KNG1: variants seen among roughly 807,000 people sequenced by gnomAD.
KNG1 encodes kininogen-1.
In KNG1, 23 loss-of-function variants were observed where a neutral mutation model predicts 47.8. That is an observed-to-expected ratio of 0.48 (90% CI 0.35 to 0.68). The LOEUF (loss-of-function observed/expected upper bound fraction) is 0.68. Among genes scored for constraint, KNG1 ranks in the 30% least tolerant of loss-of-function variants. The pLI is 0.01. For synonymous variants in KNG1, 277 were observed against 277.0 expected (o/e 1.00, Z 0.00); for missense variants, 762 against 790.2 (o/e 0.96, Z 0.43).
At chr3:186,735,688 C>T (rs1392770664) in intron 7 of KNG1, among the ~76,000 whole-genome samples, 6 of 151,948 alleles carry the variant, frequency 3.9e-5, no homozygotes, top group Admixed American at 2.6e-4. Context: ...GTAGTCCCAA[C>T]TACTTTGGGA....
chr3:186,727,266 C>G lies in KNG1; in HGVS notation c.594C>G (p.Thr198=), dbSNP rs148661420. Residue 198 remains threonine (T), a synonymous_variant, in exon 5 of 10, where the codon ACC becomes ACG. Transcript: ENST00000644859. The stretch of plus-strand genomic sequence containing the variant: ...TGGCTGGATTGAACTTTCGAATTAC[C>G]TACTCAATTGTGCAAACGAATTGTT... ...QVVAGLNFRI[T]YSIVQTNCSK... 1.4e-5 allele frequency: 23 copies of G among 1,613,348 alleles called. No homozygotes were observed. In the Middle Eastern group the frequency reaches 4.9e-4, roughly 35 times the overall value.
intron 9 of KNG1, among the ~76,000 whole-genome samples, chr3:186,740,128 G>A (rs1252923305): frequency 6.6e-6 from 1 of 151,902 alleles, no homozygotes; most frequent in Non-Finnish European, 1.5e-5. Flanking sequence ...GATCCCCAGG[G>A]GATTCATATG....
chr3:186,744,067 C>T lies in KNG1; in HGVS notation c.*1736C>T, dbSNP rs947843961. 2 of 472,844 alleles carry T rather than the reference C, an allele frequency of 4.2e-6. No homozygotes were observed. The highest frequency in any genetic ancestry group is 7.8e-6 in the Non-Finnish European group (2 of 257,970). The allele number at this position is 472,844 out of a possible 1,614,324, so 29.3% of individuals were successfully genotyped here. ...TCATAACCCAACACTGGAACATTCC[C>T]TAGCCAAGGCAGAAGTCCTTAGGCG... On this transcript the variant is annotated 3_prime_UTR_variant, in exon 10 of 10. Transcript: ENST00000644859.
chr3:186,720,426 C>G (rs1006748107), intron 2 of KNG1: 5 of 586,640 alleles, frequency 8.5e-6, no homozygotes, highest in East Asian at 2.9e-5. Context: ...ATGGAGAAAG[C>G]CTTTCCATGA....
Position 186,722,490 on chromosome 3 carries a change from C to T in KNG1, c.360C>T (p.Ser120=), listed in dbSNP as rs752033275. Residue 120 remains serine, a synonymous_variant, in exon 3 of 10, where the codon TCC becomes TCT. Coordinates refer to ENST00000644859, the MANE Select transcript of KNG1 (RefSeq NM_001102416.3). ...GGAAGAGGAGCAGTACGAAATTCTC[C>T]GTGGCTACCCAGACCTGCCAGATTA... ...TVGKRSSTKF[S]VATQTCQITP... is the part of the protein sequence containing the mutation. The T allele has an allele frequency of 4.3e-5, 69 of 1,613,912 alleles. No homozygotes were observed. Among genetic ancestry groups the T allele is most frequent in the Middle Eastern group, 1.6e-4 (1 of 6,078 alleles).
rs762930564 is a variant in KNG1 at position 186,732,498 on chromosome 3, T to C, written c.758-4T>C. 6.2e-7 allele frequency: 1 copy of C among 1,613,940 alleles called. No individual in the cohort carries two copies. The highest frequency in any genetic ancestry group is 1.1e-5 in the South Asian group (1 of 91,080). On this transcript the variant is annotated splice_polypyrimidine_tract_variant and splice_region_variant and intron_variant, in intron 6 of 9. Coordinates refer to ENST00000644859, the MANE Select transcript of KNG1 (RefSeq NM_001102416.3). ...CATGTTGACTTAAAACCTGATCCTT[T>C]CAGGGAAGGATTTTGTACAACCACC...
intron 7 of KNG1, among the ~76,000 whole-genome samples, chr3:186,735,545 G>A (rs187700485): frequency 3.6e-4 from 55 of 152,194 alleles, no homozygotes; most frequent in Middle Eastern, 3.4e-3. Flanking sequence ...TTAAACTCGG[G>A]AGGCGGAGGT....
In KNG1 at chr3:186,732,837, C is replaced by T. The variant is rs117572310; in HGVS notation, c.930+163C>T. ...TAAGTGCCAATCTCCCTGTATGCTT[C>T]ATCCCGGACAAGTATTTTACAACAT... On this transcript the variant is annotated intron_variant, in intron 7 of 9. Coordinates refer to ENST00000644859, the MANE Select transcript of KNG1 (RefSeq NM_001102416.3). Among the ~76,000 whole-genome samples the T allele has an allele frequency of 1.3e-4, 20 of 152,324 alleles. No homozygotes were observed. In the East Asian group the frequency reaches 3.9e-3, roughly 29 times the overall value.
At chr3:186,731,234 T>C (rs989610095) in intron 5 of KNG1, among the ~76,000 whole-genome samples, 2 of 152,188 alleles carry the variant, frequency 1.3e-5, no homozygotes, top group Non-Finnish European at 2.9e-5. Flanking sequence ...ATACATTGAT[T>C]TGGTGTTTTA....
chr3:186,741,404 C>G (rs1179313712), intron 9 of KNG1, 118 bp from the exon 10 acceptor site: 1 of 858,010 alleles, frequency 1.2e-6, no homozygotes, highest in African/African-American at 1.7e-5. Context: ...CATTTAAAAT[C>G]TGGCAAACAC....
In KNG1 at chr3:186,741,752, G is replaced by T. The variant is rs752898207; in HGVS notation, c.1356G>T (p.Gly452=). ...GHGHKHERDQ[G]HGHQRGHGLG... is the part of the protein sequence containing the mutation. ...GCCATAAACATGAACGTGACCAAGGGCATGGGCACCAAAGAGGACATGGCC... is the reference window on the plus strand; with the variant it reads ...GCCATAAACATGAACGTGACCAAGGTCATGGGCACCAAAGAGGACATGGCC... Residue 452 remains glycine (G), a synonymous_variant, in exon 10 of 10, where the codon GGG becomes GGT. Coordinates refer to ENST00000644859, the MANE Select transcript of KNG1 (RefSeq NM_001102416.3). 3 of 1,614,210 alleles carry T rather than the reference G, an allele frequency of 1.9e-6. No homozygotes were observed. In the East Asian group the frequency reaches 6.7e-5, roughly 36 times the overall value.
At chr3:186,735,299 C>G (rs760078220) in intron 7 of KNG1, among the ~76,000 whole-genome samples, 16 of 151,936 alleles carry the variant, frequency 1.1e-4, no homozygotes, top group Non-Finnish European at 1.9e-4. Context: ...GCTGGAGCAA[C>G]ATAGCAAGAC....
In KNG1 at chr3:186,717,361, T is replaced by A. The variant is rs966615543; in HGVS notation, c.-182T>A. The A allele has an allele frequency of 3.2e-6, 2 of 619,832 alleles. No homozygotes were observed. The highest frequency in any genetic ancestry group is 3.7e-5 in the African/African-American group (2 of 54,508). 38.4% of individuals were successfully genotyped at this position (619,832 alleles called of 1,614,324 possible). ...TGTTTGGATAACCCAGCAGAGCCAT[T>A]TAACCTTTGGGAACAAGGCAACTAG... On this transcript the variant is annotated 5_prime_UTR_variant, in exon 1 of 10. Coordinates refer to ENST00000644859, the MANE Select transcript of KNG1 (RefSeq NM_001102416.3).
Position 186,741,859 on chromosome 3 carries a change from G to A in KNG1, c.1463G>A (p.Gly488Asp), listed in dbSNP as rs1362916167. The A allele has an allele frequency of 1.9e-6, 3 of 1,613,572 alleles. No homozygotes were observed. The highest frequency in any genetic ancestry group is 2.5e-6 in the Non-Finnish European group (3 of 1,179,720). Reference sequence around the variant, plus strand: ...GATGATGATCTTGAACACCAAGGGGGCCATGTCCTTGACCATGGACATAAG... The same window carrying A: ...GATGATGATCTTGAACACCAAGGGGACCATGTCCTTGACCATGGACATAAG... ...KLDDDLEHQG[G>D]HVLDHGHKHK... Residue 488 changes from glycine to aspartate, a missense_variant, in exon 10 of 10, where the codon GGC becomes GAC. By Grantham distance (94) the Gly-to-Asp change is moderately conservative. Coordinates refer to ENST00000644859, the MANE Select transcript of KNG1 (RefSeq NM_001102416.3).
chr3:186,728,819 T>C (rs565034452), intron 5 of KNG1: 2 of 152,262 alleles, frequency 1.3e-5, no homozygotes, highest in Admixed American at 1.3e-4. Flanking sequence ...GCCAGGCTAA[T>C]TTTTGTATTT....
Position 186,742,643 on chromosome 3 carries a change from C to A in KNG1, c.*312C>A, listed in dbSNP as rs1363771952. 6.2e-6 allele frequency: 7 copies of A among 1,131,932 alleles called. No homozygotes were observed. The highest frequency in any genetic ancestry group is 7.6e-6 in the Non-Finnish European group (7 of 922,168). 70.1% of individuals were successfully genotyped at this position (1,131,932 alleles called of 1,614,324 possible). A position where few individuals can be genotyped will look rare whatever the true frequency, so the allele number is the denominator to read the frequency against. ...TCTCTGATAACAAATATGTACCTTA[C>A]AACATATGTCATGAATTTGCATACA... On this transcript the variant is annotated 3_prime_UTR_variant, in exon 10 of 10. Coordinates refer to ENST00000644859, the MANE Select transcript of KNG1 (RefSeq NM_001102416.3).
Position 186,741,884 on chromosome 3 carries a change from G to A in KNG1, c.1488G>A (p.Lys496=), listed in dbSNP as rs1398902829. The change falls in exon 10 of 10, where the codon AAG becomes AAA. Residue 496 remains lysine (K), a synonymous_variant. Coordinates refer to ENST00000644859, the MANE Select transcript of KNG1 (RefSeq NM_001102416.3). ...QGGHVLDHGH[K]HKHGHGHGKH... ...GCCATGTCCTTGACCATGGACATAAGCATAAGCATGGTCATGGCCACGGAA... is the reference window on the plus strand; with the variant it reads ...GCCATGTCCTTGACCATGGACATAAACATAAGCATGGTCATGGCCACGGAA... 3.1e-6 allele frequency: 5 copies of A among 1,613,946 alleles called. No individual in the cohort carries two copies. The highest frequency in any genetic ancestry group is 1.6e-4 in the Middle Eastern group (1 of 6,062).
chr3:186,717,830 G>GCACCCACCACCAC, intron 1 of KNG1, 93 bp downstream of exon 1: 1 of 838,556 alleles, frequency 1.2e-6, no homozygotes, highest in Non-Finnish European at 1.9e-6. Context: ...ACCACCACCA[G>GCACCCACCACCAC]CACCCACCAC....
chr3:186,720,805 T>TTTTTG (rs1553790786), intron 2 of KNG1, among the ~76,000 whole-genome samples: 16 of 140,078 alleles, frequency 1.1e-4, no homozygotes, highest in Non-Finnish European at 1.4e-4. Context: ...TTTTTTTTTT[T>TTTTTG]TTGAGCCAGA....
Sources: gnomAD v4.1 joint callset for allele counts (sites outside exome capture counted in the v4.1 genomes callset) on GRCh38, gnomAD v4.1.1 for gene constraint, MANE v1.5 for transcripts, NCBI Gene and HGNC (gene_info 2026-07-23, HGNC 2026-07-21) for gene names.